Variants in MIPOL1 observed in about 807,000 individuals in gnomAD.
MIPOL1 encodes the protein mirror-image polydactyly gene 1 protein.
MIPOL1 carries 57 observed loss-of-function variants against 60.9 expected under a neutral mutation model. The ratio of observed to expected loss-of-function variants is 0.94; its 90% CI spans 0.76 to 1.17. MIPOL1 has a LOEUF of 1.17. MIPOL1 is among the 50% of genes most tolerant of loss of function. The pLI is 0.00. For missense variants in MIPOL1, 551 were observed against 511.6 expected (o/e 1.08, Z -0.74); for synonymous variants, 179 against 168.8 (o/e 1.06, Z -0.47).
intron 10 of MIPOL1, among the ~76,000 whole-genome samples, chr14:37,408,320 T>C (rs1307057090): frequency 6.6e-6 from 1 of 152,194 alleles, no homozygotes; most frequent in Non-Finnish European, 1.5e-5. Context: ...GAAACTTTGC[T>C]TGTTGTGTAC....
At chr14:37,278,273 A>C (rs1442082869) in intron 6 of MIPOL1, 1 of 151,680 alleles carries the variant, frequency 6.6e-6, no homozygotes, top group African/African-American at 2.4e-5. Flanking sequence ...TCCAATAGCC[A>C]GTTTATGCAA....
chr14:37,498,085 A>T (rs1008163451), intron 11 of MIPOL1, among the ~76,000 whole-genome samples: 2 of 152,254 alleles, frequency 1.3e-5, no homozygotes, highest in African/African-American at 4.8e-5. Flanking sequence ...TGCAACAGCA[A>T]GGTGAACTTC....
At chr14:37,498,304 T>C (rs2095163989) in intron 11 of MIPOL1, among the ~76,000 whole-genome samples, 1 of 152,218 alleles carries the variant, frequency 6.6e-6, no homozygotes, top group South Asian at 2.1e-4. Context: ...GCACTTTGTG[T>C]AATTTAAAAC....
At chr14:37,362,338 G>A (rs991133862) in intron 9 of MIPOL1, among the ~76,000 whole-genome samples, 2 of 152,164 alleles carry the variant, frequency 1.3e-5, no homozygotes, top group African/African-American at 4.8e-5. Context: ...TTGGTTGTCT[G>A]TAAAGGATTA....
chr14:37,519,054 G>T (rs1290703609), intron 12 of MIPOL1, among the ~76,000 whole-genome samples: 1 of 152,112 alleles, frequency 6.6e-6, no homozygotes, highest in Non-Finnish European at 1.5e-5. Flanking sequence ...AATGTAGAGA[G>T]AATGATACAA....
intron 10 of MIPOL1, among the ~76,000 whole-genome samples, chr14:37,402,070 A>G (rs2093493571): frequency 6.6e-6 from 1 of 152,136 alleles, no homozygotes; most frequent in African/African-American, 2.4e-5. Context: ...CAGTAAAGCA[A>G]AGATGATTAT....
At chr14:37,353,772 A>G (rs955157024) in intron 9 of MIPOL1, among the ~76,000 whole-genome samples, 1 of 151,954 alleles carries the variant, frequency 6.6e-6, no homozygotes, top group Non-Finnish European at 1.5e-5. Flanking sequence ...TCATTTTTTA[A>G]TGCGTATATT....
At chr14:37,477,413 C>T (rs569422615) in intron 11 of MIPOL1, among the ~76,000 whole-genome samples, 14 of 152,000 alleles carry the variant, frequency 9.2e-5, no homozygotes, top group Middle Eastern at 3.4e-3. Context: ...AATGTTTATT[C>T]GAATTATTTA....
intron 9 of MIPOL1, among the ~76,000 whole-genome samples, chr14:37,346,425 C>G (rs190969618): frequency 6.6e-6 from 1 of 152,250 alleles, no homozygotes; most frequent in Admixed American, 6.5e-5. Flanking sequence ...ATACTGGTAG[C>G]CATGGAAACA....
intron 1 of MIPOL1, among the ~76,000 whole-genome samples, chr14:37,241,586 G>T (rs1258395383): frequency 2.7e-5 from 4 of 148,218 alleles, no homozygotes; most frequent in Non-Finnish European, 6.0e-5. Flanking sequence ...GGGTGAGGGG[G>T]TGGGGGTGGG....
At position 37,353,692 on chromosome 14, in the gene MIPOL1, G is replaced by A. The variant is rs375248577; in HGVS notation, c.829-15825G>A. On this transcript the variant is annotated intron_variant, in intron 9 of 12. Coordinates refer to ENST00000684589, the MANE Select transcript of MIPOL1 (RefSeq NM_001388067.1). ...CTTCTAGATTTTCTAGTTTATTTGCGTAGAGGTGTTTGTAGTATTCTCTGA... is the reference window on the plus strand; with the variant it reads ...CTTCTAGATTTTCTAGTTTATTTGCATAGAGGTGTTTGTAGTATTCTCTGA... Among the ~76,000 whole-genome samples, 28 of 152,032 alleles carry A rather than the reference G, an allele frequency of 1.8e-4. 1 individual carries two copies. Among genetic ancestry groups the A allele is most frequent in the Admixed American group, 9.2e-4 (14 of 15,276 alleles).
intron 9 of MIPOL1, among the ~76,000 whole-genome samples, chr14:37,340,749 CAT>C (rs1418753873): frequency 6.6e-6 from 1 of 150,684 alleles, no homozygotes; most frequent in African/African-American, 2.4e-5. Flanking sequence ...GAAGCAGAAA[CAT>C]ATTTTTTATA....
At chr14:37,249,098 A>G (rs1045364996) in intron 3 of MIPOL1, among the ~76,000 whole-genome samples, 1 of 152,184 alleles carries the variant, frequency 6.6e-6, no homozygotes, top group African/African-American at 2.4e-5. Flanking sequence ...GATCTATTAC[A>G]GTAAAATGTT....
rs182089946 is a variant in MIPOL1, at chr14:37,462,541, T to C, written c.1032-37367T>C. 3.5e-3 allele frequency among the ~76,000 whole-genome samples: 530 copies of C among 152,360 alleles called. 4 individuals are homozygous for C. The highest frequency in any genetic ancestry group is 5.8e-3 in the Non-Finnish European group (396 of 68,036). On this transcript the variant is annotated intron_variant, in intron 11 of 12. Coordinates refer to ENST00000684589, the MANE Select transcript of MIPOL1 (RefSeq NM_001388067.1). The stretch of plus-strand genomic sequence containing the variant: ...CAGAAAATGGGATTTTCTTTTCTAT[T>C]GAACTGTCAGGCTGCAAATTTTCTA...
intron 2 of MIPOL1, among the ~76,000 whole-genome samples, chr14:37,247,491 A>G (rs1007433633): frequency 7.2e-5 from 11 of 152,062 alleles, no homozygotes; most frequent in African/African-American, 2.7e-4. Flanking sequence ...TATAAAATTT[A>G]TGACAAATAA....
At chr14:37,421,821 A>C (rs1247159291) in intron 10 of MIPOL1, among the ~76,000 whole-genome samples, 1 of 146,984 alleles carries the variant, frequency 6.8e-6, no homozygotes, top group Non-Finnish European at 1.5e-5. Flanking sequence ...GGGTTTTACA[A>C]TTTTTCTTAT....
At chr14:37,507,861 A>G (rs2095293284) in intron 12 of MIPOL1, 1 of 152,184 alleles carries the variant, frequency 6.6e-6, no homozygotes, top group African/African-American at 2.4e-5. Flanking sequence ...AATGGCACTA[A>G]TCCATGGATC....
At chr14:37,356,825 T>G (rs1452151534) in intron 9 of MIPOL1, among the ~76,000 whole-genome samples, 1 of 152,186 alleles carries the variant, frequency 6.6e-6, no homozygotes, top group African/African-American at 2.4e-5. Flanking sequence ...CCTAGTGAGA[T>G]GAACCCGGTA....
At chr14:37,451,808 C>CTTTTTTTTTTTCTTT (rs2094421435) in intron 11 of MIPOL1, among the ~76,000 whole-genome samples, 1 of 84,598 alleles carries the variant, frequency 1.2e-5, no homozygotes, top group African/African-American at 6.4e-5. Flanking sequence ...TTTATTCTCT[C>CTTTTTTTTTTTCTTT]TTTTTTTTTT....
Sources: allele counts gnomAD v4.1 joint callset (sites outside exome capture counted in the v4.1 genomes callset), GRCh38; gene constraint gnomAD v4.1.1; transcripts MANE v1.5; gene names NCBI Gene and HGNC (gene_info 2026-07-23, HGNC 2026-07-21).